The following NWD2 variants were observed in gnomAD, a reference collection of about 807,000 sequenced individuals.
The protein encoded by NWD2 is NACHT and WD repeat domain-containing protein 2.
Under a neutral mutation model 132.7 loss-of-function variants are expected in NWD2, and 37 were observed. That is an observed-to-expected ratio of 0.28 (90% CI 0.21 to 0.37). The LOEUF (loss-of-function observed/expected upper bound fraction) is 0.37. NWD2 is among the 10% of genes least tolerant of loss of function. The pLI is 1.00. For synonymous variants in NWD2, 705 were observed against 803.0 expected, an observed-to-expected ratio of 0.88 and a Z score of 2.06; for missense variants, 1,592 against 2,122.4, an observed-to-expected ratio of 0.75 and a Z score of 4.91.
chr4:37,343,817 T>A lies in NWD2; in HGVS notation c.241-12549T>A, dbSNP rs190437055. Among the ~76,000 whole-genome samples, 350 of 152,338 alleles carry A rather than the reference T, an allele frequency of 2.3e-3. 2 individuals are homozygous for A. The highest frequency in any genetic ancestry group is 6.8e-3 in the Middle Eastern group (2 of 294). Reference sequence around the variant, plus strand: ...AAAAAATTTAGGATTATTTGTTTTTTTACAGATTGCTTTATTGTTAGGTAA... The same window carrying A: ...AAAAAATTTAGGATTATTTGTTTTTATACAGATTGCTTTATTGTTAGGTAA... On this transcript the variant is annotated intron_variant, in intron 2 of 6. Coordinates refer to ENST00000309447, the MANE Select transcript of NWD2 (RefSeq NM_001144990.2).
intron 3 of NWD2, among the ~76,000 whole-genome samples, chr4:37,362,426 A>G (rs1191209359): frequency 1.3e-5 from 2 of 152,202 alleles, no homozygotes; most frequent in Non-Finnish European, 2.9e-5. Context: ...ACTATGCTAT[A>G]AGGCTACAGT....
intron 2 of NWD2, among the ~76,000 whole-genome samples, chr4:37,341,203 T>C (rs1263567257): frequency 1.3e-5 from 2 of 152,222 alleles, no homozygotes; most frequent in Admixed American, 6.5e-5. Flanking sequence ...TATTATAAAA[T>C]TGGCTTTGTG....
intron 1 of NWD2, among the ~76,000 whole-genome samples, chr4:37,251,446 A>G (rs1717358788): frequency 6.6e-6 from 1 of 152,214 alleles, no homozygotes; most frequent in South Asian, 2.1e-4. Context: ...AAAAATCATT[A>G]TAGAGGTTGG....
chr4:37,245,243 C>A, intron 1 of NWD2, 25 bp downstream of exon 1: 1 of 1,516,226 alleles, frequency 6.6e-7, no homozygotes, highest in South Asian at 1.2e-5. Context: ...CGGGTTTGCC[C>A]GTCCGTCCTT....
At chr4:37,312,356 G>A (rs893848171) in intron 1 of NWD2, among the ~76,000 whole-genome samples, 1 of 150,378 alleles carries the variant, frequency 6.6e-6, no homozygotes, top group Non-Finnish European at 1.5e-5. Context: ...TCCTTTGTAA[G>A]TTGGATTCCT....
At chr4:37,384,849 C>G (rs891102449) in intron 3 of NWD2, among the ~76,000 whole-genome samples, 2 of 152,176 alleles carry the variant, frequency 1.3e-5, no homozygotes, top group Admixed American at 1.3e-4. Context: ...AGCCATTCAT[C>G]TGTGGACAGA....
At chr4:37,379,681 C>T (rs1720415170) in intron 3 of NWD2, among the ~76,000 whole-genome samples, 1 of 152,108 alleles carries the variant, frequency 6.6e-6, no homozygotes, top group Admixed American at 6.5e-5. Context: ...TGACTGCAAG[C>T]CTGTGGCTCT....
At chr4:37,297,965 C>T (rs981710828) in intron 1 of NWD2, among the ~76,000 whole-genome samples, 1 of 152,036 alleles carries the variant, frequency 6.6e-6, no homozygotes, top group Non-Finnish European at 1.5e-5. Flanking sequence ...CCCAGGAACA[C>T]CCCTAGGTTG....
chr4:37,393,204 G>A (rs2376751), intron 3 of NWD2, among the ~76,000 whole-genome samples: 145,096 of 151,866 alleles, frequency 0.96, 69,237 homozygotes, highest in East Asian at 0.99. Context: ...GTTGGGGGGA[G>A]ACTCTGACCT....
At chr4:37,304,763 G>A (rs930884661) in intron 1 of NWD2, among the ~76,000 whole-genome samples, 1 of 152,224 alleles carries the variant, frequency 6.6e-6, no homozygotes, top group Non-Finnish European at 1.5e-5. Context: ...GCTCTGCATG[G>A]CTGCTCTCAA....
chr4:37,361,142 C>T (rs918180691), intron 3 of NWD2, among the ~76,000 whole-genome samples: 1 of 151,994 alleles, frequency 6.6e-6, no homozygotes, highest in African/African-American at 2.4e-5. Flanking sequence ...AAACTGAAAC[C>T]CTAAGCAACC....
chr4:37,355,146 A>T (rs1719847185), intron 2 of NWD2, among the ~76,000 whole-genome samples: 1 of 152,188 alleles, frequency 6.6e-6, no homozygotes, highest in African/African-American at 2.4e-5. Flanking sequence ...TTTACTTTTA[A>T]GTAGCCCCAG....
intron 3 of NWD2, among the ~76,000 whole-genome samples, chr4:37,405,232 G>A (rs1720973537): frequency 6.6e-6 from 1 of 152,060 alleles, no homozygotes; most frequent in Non-Finnish European, 1.5e-5. Context: ...CTGAGATCAG[G>A]GGCACTTGCC....
intron 3 of NWD2, among the ~76,000 whole-genome samples, chr4:37,362,998 T>C (rs1028243870): frequency 6.6e-6 from 1 of 152,046 alleles, no homozygotes; most frequent in Non-Finnish European, 1.5e-5. Flanking sequence ...GCAAAAGATA[T>C]AAACAGACAC....
chr4:37,262,729 G>A (rs1717665974), intron 1 of NWD2, among the ~76,000 whole-genome samples: 1 of 152,124 alleles, frequency 6.6e-6, no homozygotes, highest in Admixed American at 6.5e-5. Flanking sequence ...TGGCAAAGTG[G>A]TCCAACCCTT....
In NWD2 at chr4:37,274,107, A is replaced by C. The variant is rs192431396; in HGVS notation, c.151+28889A>C. Reference sequence around the variant, plus strand: ...GAGCAGAACTGAAGGAGATAGAGACACAAAAAACCCTTCAAAAAATCAATG... The same window carrying C: ...GAGCAGAACTGAAGGAGATAGAGACCCAAAAAACCCTTCAAAAAATCAATG... On this transcript the variant is annotated intron_variant, in intron 1 of 6. Transcript: ENST00000309447. Among the ~76,000 whole-genome samples the C allele has an allele frequency of 5.9e-5, 9 of 152,288 alleles. No homozygotes were observed. In the East Asian group the frequency reaches 1.7e-3, roughly 29 times the overall value.
intron 3 of NWD2, among the ~76,000 whole-genome samples, chr4:37,394,807 T>TG (rs1553897366): frequency 4.3e-5 from 3 of 69,694 alleles, no homozygotes; most frequent in African/African-American, 1.2e-4. Context: ...TGGTTTTTTT[T>TG]TTTTTTTTTT....
intron 3 of NWD2, among the ~76,000 whole-genome samples, chr4:37,396,080 A>C (rs1720787173): frequency 1.3e-5 from 2 of 152,176 alleles, no homozygotes; most frequent in African/African-American, 4.8e-5. Flanking sequence ...CAGCCCCTTC[A>C]GTATGCTGGT....
chr4:37,401,435 G>C (rs1033685896), intron 3 of NWD2, among the ~76,000 whole-genome samples: 3 of 152,088 alleles, frequency 2.0e-5, no homozygotes, highest in Non-Finnish European at 4.4e-5. Context: ...CCCTGTCCCT[G>C]TGTGGTTTAC....
Sources: allele counts gnomAD v4.1 joint callset (sites outside exome capture counted in the v4.1 genomes callset), GRCh38; gene constraint gnomAD v4.1.1; transcripts MANE v1.5; gene names NCBI Gene and HGNC (gene_info 2026-07-23, HGNC 2026-07-21).